LRRC4C: variants seen among roughly 807,000 people sequenced by gnomAD.
LRRC4C encodes the protein leucine-rich repeat-containing protein 4C.
In LRRC4C, 5 loss-of-function variants were observed where a neutral mutation model predicts 33.6. The observed-to-expected ratio is 0.15, with a 90% CI of 0.08 to 0.31. The LOEUF is 0.31. Ranked by LOEUF, LRRC4C falls within the 10% of genes least tolerant of loss-of-function variation. The pLI is 1.00. For synonymous variants in LRRC4C, 329 were observed against 302.0 expected (o/e 1.09, Z -0.93); for missense variants, 560 against 796.7 (o/e 0.70, Z 3.58).
At chr11:40,367,677 C>T (rs1007272902) in intron 3 of LRRC4C, among the ~76,000 whole-genome samples, 1 of 152,076 alleles carries the variant, frequency 6.6e-6, no homozygotes, top group Non-Finnish European at 1.5e-5. Context: ...ATCCATATAT[C>T]TTATGTCCTT....
intron 3 of LRRC4C, among the ~76,000 whole-genome samples, chr11:40,447,705 G>A (rs925116380): frequency 1.3e-5 from 2 of 152,178 alleles, no homozygotes; most frequent in African/African-American, 4.8e-5. Context: ...GAAGGCTTCT[G>A]CGTGGATCAA....
chr11:40,455,785 A>G (rs1424010013), intron 3 of LRRC4C, among the ~76,000 whole-genome samples: 1 of 152,094 alleles, frequency 6.6e-6, no homozygotes, highest in African/African-American at 2.4e-5. Context: ...CCTCAGACCT[A>G]TAATTGAAAT....
At chr11:40,439,092 A>G (rs1449719661) in intron 3 of LRRC4C, among the ~76,000 whole-genome samples, 2 of 135,106 alleles carry the variant, frequency 1.5e-5, no homozygotes, top group Non-Finnish European at 3.2e-5. Flanking sequence ...CACCACCCCC[A>G]GCTAATTTTT....
chr11:40,590,399 T>C (rs1958983817), intron 3 of LRRC4C, among the ~76,000 whole-genome samples: 4 of 147,696 alleles, frequency 2.7e-5, no homozygotes, highest in Admixed American at 2.1e-4. Context: ...TTCAAAGTTT[T>C]CAACTTCTTT....
chr11:40,500,299 C>T (rs61886209), intron 3 of LRRC4C, among the ~76,000 whole-genome samples: 33,721 of 91,638 alleles, frequency 0.37, 4,980 homozygotes, highest in East Asian at 0.54. Flanking sequence ...TATATACACA[C>T]ACACACACAC....
chr11:41,313,990 G>A (rs1312180016), intron 1 of LRRC4C, among the ~76,000 whole-genome samples: 1 of 152,000 alleles, frequency 6.6e-6, no homozygotes, highest in Non-Finnish European at 1.5e-5. Flanking sequence ...TGGGTATACT[G>A]GCCTTAAGAA....
chr11:40,254,013 C>T (rs1199737349), intron 4 of LRRC4C, among the ~76,000 whole-genome samples: 2 of 152,086 alleles, frequency 1.3e-5, no homozygotes, highest in African/African-American at 4.8e-5. Context: ...AATTCCATTT[C>T]TGTAGATCTT....
intron 2 of LRRC4C, among the ~76,000 whole-genome samples, chr11:40,927,169 T>C (rs1957438128): frequency 6.6e-6 from 1 of 151,768 alleles, no homozygotes. Flanking sequence ...AGGTCAGGAG[T>C]TCGAGACCAG....
intron 1 of LRRC4C, among the ~76,000 whole-genome samples, chr11:41,149,848 G>A (rs1943913760): frequency 6.6e-6 from 1 of 152,140 alleles, no homozygotes; most frequent in Admixed American, 6.5e-5. Flanking sequence ...CTAAAATAAG[G>A]TCATTTGAAA....
chr11:41,093,463 C>T (rs989392955), intron 1 of LRRC4C, among the ~76,000 whole-genome samples: 3 of 152,184 alleles, frequency 2.0e-5, no homozygotes, highest in African/African-American at 4.8e-5. Flanking sequence ...ATCTTTTGGC[C>T]TAATTTTTTT....
intron 4 of LRRC4C, among the ~76,000 whole-genome samples, chr11:40,301,027 G>T (rs1219549628): frequency 6.6e-6 from 1 of 152,154 alleles, no homozygotes; most frequent in Admixed American, 6.6e-5. Flanking sequence ...GATATGGAGG[G>T]TTACCCATTG....
chr11:41,228,444 A>G (rs1488382950), intron 1 of LRRC4C, among the ~76,000 whole-genome samples: 2 of 152,108 alleles, frequency 1.3e-5, no homozygotes, highest in Non-Finnish European at 1.5e-5. Context: ...CTGTTGGGGC[A>G]TCTGGTCTCC....
chr11:40,848,038 TCTC>T (rs1953278845), intron 2 of LRRC4C, among the ~76,000 whole-genome samples: 2 of 151,310 alleles, frequency 1.3e-5, no homozygotes, highest in Non-Finnish European at 2.9e-5. Flanking sequence ...ATTTGATTCT[TCTC>T]TCTTTTCTTC....
intron 3 of LRRC4C, among the ~76,000 whole-genome samples, chr11:40,357,950 CGAGGCAG>C (rs1228376947): frequency 6.6e-6 from 1 of 152,004 alleles, no homozygotes; most frequent in Non-Finnish European, 1.5e-5. Flanking sequence ...TTTGGGAGGC[CGAGGCAG>C]GTGGATCATG....
At chr11:41,275,653 G>C (rs950419703) in intron 1 of LRRC4C, among the ~76,000 whole-genome samples, 2 of 152,166 alleles carry the variant, frequency 1.3e-5, no homozygotes, top group South Asian at 4.1e-4. Flanking sequence ...ATCCCAAGGG[G>C]AGACATAATG....
intron 5 of LRRC4C, among the ~76,000 whole-genome samples, chr11:40,175,158 G>A (rs1860371244): frequency 6.6e-6 from 1 of 152,228 alleles, no homozygotes; most frequent in Non-Finnish European, 1.5e-5. Flanking sequence ...AGCAGTGGTT[G>A]CATAATAGAT....
At chr11:40,335,335 A>T (rs1457877726) in intron 3 of LRRC4C, among the ~76,000 whole-genome samples, 1 of 152,198 alleles carries the variant, frequency 6.6e-6, no homozygotes, top group Non-Finnish European at 1.5e-5. Flanking sequence ...TAGGCTTAAC[A>T]TTTCTTCTTC....
intron 3 of LRRC4C, among the ~76,000 whole-genome samples, chr11:40,549,452 C>A (rs542811870): frequency 6.6e-6 from 1 of 152,216 alleles, no homozygotes; most frequent in African/African-American, 2.4e-5. Context: ...AAGAGCGATG[C>A]CATTTAATCT....
chr11:40,471,324 C>A (rs918540132), intron 3 of LRRC4C, among the ~76,000 whole-genome samples: 2 of 152,054 alleles, frequency 1.3e-5, no homozygotes, highest in Non-Finnish European at 2.9e-5. Flanking sequence ...CCTTTACAGA[C>A]AAGAAAATGC....
Sources: gnomAD v4.1 joint callset for allele counts (sites outside exome capture counted in the v4.1 genomes callset) on GRCh38, gnomAD v4.1.1 for gene constraint, MANE v1.5 for transcripts, NCBI Gene and HGNC (gene_info 2026-07-23, HGNC 2026-07-21) for gene names.